Variants in RGL4 observed in about 807,000 individuals in gnomAD.
The protein encoded by RGL4 is ral guanine nucleotide dissociation stimulator like 4.
A neutral mutation model predicts 49.6 loss-of-function variants in RGL4; 41 were observed. That is an observed-to-expected ratio of 0.83 (90% confidence interval 0.64 to 1.07). RGL4 has a LOEUF of 1.07. Among genes scored for constraint, RGL4 ranks in the 50% least tolerant of loss-of-function variants. The probability of loss-of-function intolerance (pLI) is 0.00; values close to 1 mark genes in which losing one functional copy is unlikely to be tolerated. For synonymous variants in RGL4, 255 were observed against 238.0 expected, an observed-to-expected ratio of 1.07 and a Z score of -0.66; for missense variants, 610 against 591.9, an observed-to-expected ratio of 1.03 and a Z score of -0.32.
intron 5 of RGL4, chr22:23,694,704 GAACTCTGTGT>G (rs1247891680): frequency 1.7e-6 from 1 of 593,934 alleles, no homozygotes; most frequent in East Asian, 2.8e-5. Context: ...CCCAGCAGTG[GAACTCTGTGT>G]CCAGCTGAAA....
chr22:23,697,936 C>A, intron 9 of RGL4, 75 bp downstream of exon 9: 1 of 1,517,892 alleles, frequency 6.6e-7, no homozygotes, highest in East Asian at 2.3e-5. Context: ...CAGGACACTC[C>A]CTGGCTCCAT....
chr22:23,692,651 C>A lies in RGL4; in HGVS notation c.374-18C>A. 6.3e-7 allele frequency: 1 copy of A among 1,580,820 alleles called. No homozygotes were observed. Among genetic ancestry groups the A allele is most frequent in the Non-Finnish European group, 8.6e-7 (1 of 1,160,614 alleles). On this transcript the variant is annotated intron_variant, in intron 2 of 10. Coordinates refer to ENST00000290691, the MANE Select transcript of RGL4 (RefSeq NM_153615.2). ...CAGTGAAAAATGACTGGTGTGGTGA[C>A]CTTTTCTCCTTTTCCAGATCCTGCT...
Position 23,694,980 on chromosome 22 carries a change from CA to C in RGL4, c.1053del (p.Asp352ThrfsTer4). On this transcript the variant is annotated frameshift_variant, in exon 6 of 11. Coordinates refer to ENST00000290691, the MANE Select transcript of RGL4 (RefSeq NM_153615.2). LOFTEE classifies it high-confidence loss of function. ...KSMKELKELC[K>X]KDTAVKRDLL... ...GCATGAAAGAGCTAAAAGAACTCTG[CA>C]AAAAAGACACTGCAGTGAAGAGGGA... 5.0e-6 allele frequency: 8 copies of C among 1,613,390 alleles called. No homozygotes were observed. Among genetic ancestry groups the C allele is most frequent in the Non-Finnish European group, 6.8e-6 (8 of 1,179,512 alleles).
rs1232515243 is a variant in RGL4, at chr22:23,692,969, A to C, written c.674A>C (p.Glu225Ala). ...ACCTTCCCTCCCAGGCTGCTGGCAG[A>C]GCAGCTGACCCTCATGGATGCGGTG... Reference protein sequence around the residue: ...MTTFPPRLLAEQLTLMDAELF... With the variant: ...MTTFPPRLLAAQLTLMDAELF... Residue 225 changes from glutamate to alanine, a missense_variant, in exon 3 of 11, where the codon GAG becomes GCG. Physicochemically the swap from Glu to Ala is moderately radical, Grantham distance 107. Coordinates refer to ENST00000290691, the MANE Select transcript of RGL4 (RefSeq NM_153615.2). The C allele has an allele frequency of 6.2e-7, 1 of 1,608,380 alleles. No homozygotes were observed. The highest frequency in any genetic ancestry group is 8.5e-7 in the Non-Finnish European group (1 of 1,176,832).
chr22:23,699,037 T>C lies in RGL4; in HGVS notation c.*154T>C, dbSNP rs1923726666. ...CTTGCCCTGGATCCTCATCACCAACTGCTCCTGCTGGCCAGGATCAGGCCA... is the reference window on the plus strand; with the variant it reads ...CTTGCCCTGGATCCTCATCACCAACCGCTCCTGCTGGCCAGGATCAGGCCA... On this transcript the variant is annotated 3_prime_UTR_variant, in exon 11 of 11. Transcript: ENST00000290691. 2 of 1,547,214 alleles carry C rather than the reference T, an allele frequency of 1.3e-6. No individual in the cohort carries two copies. Among genetic ancestry groups the C allele is most frequent in the East Asian group, 2.4e-5 (1 of 40,868 alleles).
chr22:23,697,691 G>A (rs1569121094), intron 8 of RGL4, 147 bp from the exon 9 acceptor site: 4 of 824,620 alleles, frequency 4.9e-6, no homozygotes, highest in Middle Eastern at 3.5e-4. Flanking sequence ...CCCTGCTCTA[G>A]AGCCCGGAGC....
At chr22:23,698,377 A>T (rs370617507) in intron 10 of RGL4, 44 bp downstream of exon 10, 6 of 1,240,732 alleles carry the variant, frequency 4.8e-6, no homozygotes, top group Admixed American at 2.2e-5. Flanking sequence ...AAGGCTCTCC[A>T]TTTTTTTTTT....
rs764118492 is a variant in RGL4, at chr22:23,698,327, AAG to A, written c.1381_1382del (p.Ser461LeufsTer90). The A allele has an allele frequency of 6.2e-7, 1 of 1,603,210 alleles. No homozygotes were observed. Among genetic ancestry groups the A allele is most frequent in the African/African-American group, 1.3e-5 (1 of 74,806 alleles). On this transcript the variant is annotated frameshift_variant, in exon 10 of 11. Transcript: ENST00000290691. LOFTEE classifies it low-confidence loss of function (END_TRUNC). ...ACAAGAATGGAGCAGCTCAGTGACAAAGAGAGGTGAGGGCCTAGCCCATGGGC... is the reference window on the plus strand; with the variant it reads ...ACAAGAATGGAGCAGCTCAGTGACAAAGAGGTGAGGGCCTAGCCCATGGGC...
chr22:23,693,612 T>A (rs1456850536), intron 3 of RGL4, 147 bp from the exon 4 acceptor site: 5 of 690,070 alleles, frequency 7.2e-6, no homozygotes, highest in Non-Finnish European at 1.0e-5. Flanking sequence ...CTCCCACAAG[T>A]CTGGAGCCCA....
intron 4 of RGL4, 155 bp from the exon 5 acceptor site, chr22:23,694,192 C>A: frequency 2.8e-6 from 2 of 723,606 alleles, no homozygotes; most frequent in Non-Finnish European, 4.7e-6. Context: ...TAAAATCCTC[C>A]TAGATGAGTG....
rs1057025667 is a variant in RGL4 at position 23,698,683 on chromosome 22, C to T, written c.1383-161C>T. 2.4e-5 allele frequency: 23 copies of T among 954,686 alleles called. No individual in the cohort carries two copies. In the East Asian group the frequency reaches 4.7e-4, roughly 20 times the overall value. 59.1% of individuals were successfully genotyped at this position (954,686 alleles called of 1,614,324 possible). ...CCACCTGGCCTAGAGGAGGCTCTCC[C>T]GTGGCCAGCTGCAGAGAGCCTATGG... On this transcript the variant is annotated intron_variant, in intron 10 of 10. Transcript: ENST00000290691.
intron 4 of RGL4, 41 bp from the exon 5 acceptor site, chr22:23,694,306 G>A: frequency 6.8e-7 from 1 of 1,472,224 alleles, no homozygotes; most frequent in Admixed American, 1.7e-5. Flanking sequence ...AGTGGGCCAA[G>A]CTCCAACTCT....
intron 10 of RGL4, chr22:23,698,567 G>A (rs954301991): frequency 5.6e-6 from 4 of 719,662 alleles, no homozygotes; most frequent in African/African-American, 3.5e-5. Context: ...GGGGTTTCAC[G>A]ATGATGTCCA....
chr22:23,698,623 C>T lies in RGL4; in HGVS notation c.1383-221C>T, dbSNP rs762031588. ...CCTCAAGCAATCCACCCACCTCAGC[C>T]TCCCAAAGTACTGACGTTACAGGTG... On this transcript the variant is annotated intron_variant, in intron 10 of 10. Coordinates refer to ENST00000290691, the MANE Select transcript of RGL4 (RefSeq NM_153615.2). The T allele has an allele frequency of 8.1e-6, 6 of 740,340 alleles. 1 individual carries two copies. The South Asian group carries it at 9.1e-5, about 11-fold the overall frequency. 45.9% of individuals were successfully genotyped at this position (740,340 alleles called of 1,614,324 possible). A position where few individuals can be genotyped will look rare whatever the true frequency, so the allele number is the denominator to read the frequency against.
chr22:23,696,487 G>A lies in RGL4; in HGVS notation c.1087-127G>A, dbSNP rs534449755. On this transcript the variant is annotated intron_variant, in intron 6 of 10. Transcript: ENST00000290691. ...GACACACACAGGGAGTGTGGATCTG[G>A]GCCAGTGGTATGAGCACGGTGCCAG... is the stretch of plus-strand genomic sequence containing the variant. 13 of 1,560,852 alleles carry A rather than the reference G, an allele frequency of 8.3e-6. No homozygotes were observed. In the East Asian group the frequency reaches 2.4e-4, roughly 29 times the overall value.
rs756644798 is a variant in RGL4, at chr22:23,692,377, T to G, written c.222T>G (p.Thr74=). The change falls in exon 2 of 11, where the codon ACT becomes ACG. Residue 74 remains threonine, a synonymous_variant. Transcript: ENST00000290691. The part of the protein sequence containing the change: ...SILFNWPPEN[T]SVYYQPPQRS... ...TGTTCAACTGGCCCCCCGAAAACAC[T>G]TCAGTTTACTATCAGCCCCCGCAAC... The G allele has an allele frequency of 2.5e-6, 4 of 1,614,142 alleles. 1 individual carries two copies. The South Asian group carries it at 4.4e-5, about 18-fold the overall frequency.
chr22:23,695,453 G>A (rs959478870), intron 6 of RGL4: 16 of 600,458 alleles, frequency 2.7e-5, no homozygotes, highest in Non-Finnish European at 4.2e-5. Flanking sequence ...TGCTGCTGCT[G>A]CTGCTGCTGC....
At chr22:23,694,099 C>G in intron 4 of RGL4, 125 bp downstream of exon 4, 1 of 865,842 alleles carries the variant, frequency 1.2e-6, no homozygotes, top group East Asian at 2.6e-5. Context: ...CTAGGCTCTT[C>G]TTGCCAGAGC....
intron 6 of RGL4, 56 bp from the exon 7 acceptor site, chr22:23,696,558 G>A: frequency 6.2e-7 from 1 of 1,612,084 alleles, no homozygotes; most frequent in Non-Finnish European, 8.5e-7. Context: ...GGTGGCTGGG[G>A]TGTAACTGGG....
Sources: allele counts gnomAD v4.1 joint callset, GRCh38; gene constraint gnomAD v4.1.1; transcripts MANE v1.5; gene names NCBI Gene and HGNC (gene_info 2026-07-23, HGNC 2026-07-21).